Variants in KYNU observed in about 807,000 individuals in gnomAD.
KYNU encodes kynureninase.
In KYNU, 54 loss-of-function variants were observed where a neutral mutation model predicts 59.2. The ratio of observed to expected loss-of-function variants is 0.91; its 90% CI spans 0.73 to 1.14. The LOEUF (loss-of-function observed/expected upper bound fraction) is 1.14, where lower values mean the gene tolerates loss of function less well. KYNU is among the 50% of genes most tolerant of loss of function. The probability of loss-of-function intolerance (pLI) is 0.00; values close to 1 mark genes in which losing one functional copy is unlikely to be tolerated. For missense variants in KYNU, 567 were observed against 554.4 expected (o/e 1.02, Z -0.23); for synonymous variants, 177 against 192.0 (o/e 0.92, Z 0.65).
At chr2:142,977,371 G>GGA (rs1684919930) in intron 8 of KYNU, among the ~76,000 whole-genome samples, 11 of 75,232 alleles carry the variant, frequency 1.5e-4, no homozygotes, top group African/African-American at 2.6e-4. Context: ...AATTTTGTGT[G>GGA]GATATATATA....
At chr2:142,890,887 C>G (rs1361968201) in intron 2 of KYNU, among the ~76,000 whole-genome samples, 1 of 152,096 alleles carries the variant, frequency 6.6e-6, no homozygotes, top group East Asian at 1.9e-4. Context: ...TCATAAACTC[C>G]TTGGTCATTG....
chr2:142,965,614 G>T (rs1394441206), intron 8 of KYNU, among the ~76,000 whole-genome samples: 8 of 152,164 alleles, frequency 5.3e-5, no homozygotes, highest in African/African-American at 1.9e-4. Flanking sequence ...GGGAGAAGCA[G>T]CAGGGCAGCT....
chr2:143,017,434 C>CT (rs1184177776), intron 10 of KYNU, among the ~76,000 whole-genome samples: 33,228 of 69,540 alleles, frequency 0.48, 8,884 homozygotes, highest in Non-Finnish European at 0.54. Flanking sequence ...TCTCTTTTTT[C>CT]TTTTTTTTTT....
chr2:142,914,470 G>T (rs1299413359), intron 2 of KYNU, among the ~76,000 whole-genome samples: 1 of 152,124 alleles, frequency 6.6e-6, no homozygotes, highest in Non-Finnish European at 1.5e-5. Flanking sequence ...TTCCAGATTG[G>T]AAAACTGCCC....
intron 4 of KYNU, among the ~76,000 whole-genome samples, chr2:142,939,488 G>A (rs1329089734): frequency 6.6e-6 from 1 of 150,640 alleles, no homozygotes; most frequent in Non-Finnish European, 1.5e-5. Context: ...TGAAATCCCA[G>A]CTACTCAGGA....
intron 10 of KYNU, among the ~76,000 whole-genome samples, chr2:143,022,609 G>T (rs2105219389): frequency 6.6e-6 from 1 of 152,088 alleles, no homozygotes; most frequent in Non-Finnish European, 1.5e-5. Flanking sequence ...CTACTAAAAA[G>T]TATTGATAGA....
intron 8 of KYNU, among the ~76,000 whole-genome samples, chr2:142,980,954 GA>G (rs1180669384): frequency 1.3e-5 from 2 of 152,074 alleles, no homozygotes; most frequent in South Asian, 2.1e-4. Flanking sequence ...AGAACCATTA[GA>G]TTTTTTTAAT....
At chr2:143,016,367 A>C (rs1686245178) in intron 10 of KYNU, among the ~76,000 whole-genome samples, 1 of 152,202 alleles carries the variant, frequency 6.6e-6, no homozygotes, top group Admixed American at 6.5e-5. Context: ...GTTGTCTCTA[A>C]TAGGATTATA....
At chr2:142,931,153 C>G (rs1683200071) in intron 4 of KYNU, among the ~76,000 whole-genome samples, 1 of 152,184 alleles carries the variant, frequency 6.6e-6, no homozygotes, top group Non-Finnish European at 1.5e-5. Context: ...ACGCCGCTGA[C>G]GTAAGTAGCC....
chr2:142,952,339 G>A (rs1391532279), intron 4 of KYNU, among the ~76,000 whole-genome samples: 1 of 152,082 alleles, frequency 6.6e-6, no homozygotes, highest in Non-Finnish European at 1.5e-5. Context: ...GCCTCTCAAA[G>A]TGTTGGGATT....
intron 1 of KYNU, among the ~76,000 whole-genome samples, chr2:142,883,243 G>A (rs1681368168): frequency 7.2e-6 from 1 of 138,274 alleles, no homozygotes; most frequent in Non-Finnish European, 1.5e-5. Flanking sequence ...GCCCAGGCTG[G>A]AGTGCAGTGG....
chr2:142,901,203 G>A (rs1038645074), intron 2 of KYNU, among the ~76,000 whole-genome samples: 10 of 152,172 alleles, frequency 6.6e-5, no homozygotes, highest in African/African-American at 9.7e-5. Context: ...CATCTGATGG[G>A]TGCTATTAAT....
At chr2:142,912,371 C>CTTTT (rs60854220) in intron 2 of KYNU, among the ~76,000 whole-genome samples, 211 of 89,480 alleles carry the variant, frequency 2.4e-3, no homozygotes, top group African/African-American at 3.8e-3. Flanking sequence ...TTTTGTATTT[C>CTTTT]TTTTTTTTTT....
At chr2:142,983,758 A>G (rs1685115321) in intron 8 of KYNU, among the ~76,000 whole-genome samples, 1 of 152,104 alleles carries the variant, frequency 6.6e-6, no homozygotes, top group South Asian at 2.1e-4. Context: ...TTGTTTTAGA[A>G]TAACAACAAA....
chr2:143,005,104 A>T (rs1285602997), intron 10 of KYNU, among the ~76,000 whole-genome samples: 3 of 151,806 alleles, frequency 2.0e-5, no homozygotes, highest in East Asian at 3.9e-4. Flanking sequence ...GTTGGATGGA[A>T]AGATCTACCC....
At chr2:142,883,381 G>T (rs566628601) in intron 1 of KYNU, among the ~76,000 whole-genome samples, 23 of 151,322 alleles carry the variant, frequency 1.5e-4, no homozygotes, top group African/African-American at 5.3e-4. Context: ...TGTATTTTTA[G>T]TAGAGACGGG....
intron 10 of KYNU, among the ~76,000 whole-genome samples, chr2:143,011,319 T>C (rs1402499427): frequency 1.6e-5 from 2 of 123,004 alleles, no homozygotes; most frequent in African/African-American, 7.1e-5. Context: ...AAAATGCTCA[T>C]CATCACTGGC....
chr2:142,933,578 C>T lies in KYNU; in HGVS notation c.373+5837C>T, dbSNP rs80092693. ...AGTCAGCTGTGAGCCCTTGGGTTCA[C>T]GGGGTAAGAGCTAGCCCTAGATAGG... is the stretch of plus-strand genomic sequence containing the variant. On this transcript the variant is annotated intron_variant, in intron 4 of 13. Transcript: ENST00000264170. 1.0e-3 allele frequency among the ~76,000 whole-genome samples: 157 copies of T among 152,120 alleles called. 2 individuals carry two copies. Among genetic ancestry groups the T allele is most frequent in the African/African-American group, 3.5e-3 (145 of 41,462 alleles).
chr2:142,906,990 C>G (rs1682319488), intron 2 of KYNU, among the ~76,000 whole-genome samples: 1 of 152,156 alleles, frequency 6.6e-6, no homozygotes, highest in South Asian at 2.1e-4. Context: ...GTCCGGTGGC[C>G]ATGCTAATCG....
Sources: allele counts gnomAD v4.1 joint callset (sites outside exome capture counted in the v4.1 genomes callset), GRCh38; gene constraint gnomAD v4.1.1; transcripts MANE v1.5; gene names NCBI Gene and HGNC (gene_info 2026-07-23, HGNC 2026-07-21).